The following EPHA5 variants were observed in gnomAD, a reference collection of about 807,000 sequenced individuals.
EPHA5 encodes ephrin type-A receptor 5.
In EPHA5, 60 loss-of-function variants were observed where a neutral mutation model predicts 105.0. The observed-to-expected ratio is 0.57, with a 90% confidence interval of 0.46 to 0.71. The LOEUF is 0.71. Among genes scored for constraint, EPHA5 ranks in the 30% least tolerant of loss-of-function variants. The pLI is 0.00. For missense variants in EPHA5, 1,218 were observed against 1,274.7 expected (o/e 0.96, Z 0.68); for synonymous variants, 513 against 449.1 (o/e 1.14, Z -1.80).
intron 4 of EPHA5, among the ~76,000 whole-genome samples, chr4:65,492,591 T>A (rs1338463277): frequency 6.7e-6 from 1 of 149,738 alleles, no homozygotes; most frequent in African/African-American, 2.5e-5. Flanking sequence ...TTGAATCCTA[T>A]GAATTTTGTC....
intron 7 of EPHA5, among the ~76,000 whole-genome samples, chr4:65,411,351 T>G (rs1344521047): frequency 6.6e-6 from 1 of 152,076 alleles, no homozygotes; most frequent in Non-Finnish European, 1.5e-5. Context: ...TTTAACTTTT[T>G]GTTGACAAAT....
chr4:65,323,952 C>CT lies in EPHA5; in HGVS notation c.*161dup. The CT allele has an allele frequency of 5.5e-6, 3 of 541,148 alleles. No individual in the cohort carries two copies. Among genetic ancestry groups the CT allele is most frequent in the Non-Finnish European group, 9.9e-6 (3 of 303,192 alleles). 33.5% of individuals were successfully genotyped at this position (541,148 alleles called of 1,614,324 possible). On this transcript the variant is annotated 3_prime_UTR_variant, in exon 17 of 17. Transcript: ENST00000613740. ...AAGACTAAGGACTAAGAACTGGATA[C>CT]TTCAGTAAAACCATGATTACAAATT... is the stretch of plus-strand genomic sequence containing the variant.
intron 5 of EPHA5, among the ~76,000 whole-genome samples, chr4:65,479,917 G>C (rs1389279716): frequency 6.6e-6 from 1 of 152,082 alleles, no homozygotes. Flanking sequence ...CTTTAGTGTA[G>C]ATAAATGGCA....
intron 1 of EPHA5, among the ~76,000 whole-genome samples, chr4:65,662,545 A>C (rs1295849046): frequency 6.6e-6 from 1 of 152,176 alleles, no homozygotes; most frequent in African/African-American, 2.4e-5. Context: ...ATAACTCAAC[A>C]AAACAGATCT....
At chr4:65,464,342 A>C (rs1578174190) in intron 5 of EPHA5, among the ~76,000 whole-genome samples, 4 of 152,186 alleles carry the variant, frequency 2.6e-5, no homozygotes. Flanking sequence ...AAATTTAAAT[A>C]AAACAACAAA....
At chr4:65,580,174 A>T (rs531459759) in intron 3 of EPHA5, among the ~76,000 whole-genome samples, 1 of 152,068 alleles carries the variant, frequency 6.6e-6, no homozygotes, top group Admixed American at 6.6e-5. Context: ...TTTACTTAAA[A>T]CTTTAAAAAT....
chr4:65,536,158 C>T (rs1315767622), intron 3 of EPHA5, among the ~76,000 whole-genome samples: 1 of 151,834 alleles, frequency 6.6e-6, no homozygotes, highest in East Asian at 1.9e-4. Context: ...ACATAATATA[C>T]TTCCTATTAC....
chr4:65,350,226 C>T (rs1189045617), intron 13 of EPHA5, among the ~76,000 whole-genome samples: 1 of 151,992 alleles, frequency 6.6e-6, no homozygotes, highest in Non-Finnish European at 1.5e-5. Context: ...AATAATGACA[C>T]TGATAGGTCT....
chr4:65,468,539 A>ATATATATATAATATATATATTATATAT (rs1480986321), intron 5 of EPHA5, among the ~76,000 whole-genome samples: 1 of 118,344 alleles, frequency 8.4e-6, no homozygotes, highest in Admixed American at 1.1e-4. Context: ...ACACCTTTAT[A>ATATATATATAATATATATATTATATAT]TATATATATA....
chr4:65,584,969 C>G (rs1212313972), intron 3 of EPHA5, among the ~76,000 whole-genome samples: 1 of 151,792 alleles, frequency 6.6e-6, no homozygotes, highest in African/African-American at 2.4e-5. Flanking sequence ...CTCTCCATGA[C>G]CAGAATGACA....
intron 3 of EPHA5, among the ~76,000 whole-genome samples, chr4:65,595,854 A>G (rs1049239263): frequency 1.3e-5 from 2 of 152,178 alleles, no homozygotes; most frequent in Admixed American, 1.3e-4. Flanking sequence ...TGCTGGGATT[A>G]CAGGCATGAG....
At chr4:65,393,835 G>T (rs1374323362) in intron 8 of EPHA5, among the ~76,000 whole-genome samples, 1 of 152,108 alleles carries the variant, frequency 6.6e-6, no homozygotes, top group Non-Finnish European at 1.5e-5. Flanking sequence ...GATAATTCTG[G>T]AAAGGTAGTT....
chr4:65,629,175 C>T (rs1746408768), intron 2 of EPHA5, among the ~76,000 whole-genome samples: 2 of 138,102 alleles, frequency 1.4e-5, no homozygotes, highest in African/African-American at 5.1e-5. Context: ...TTGTCTTCCT[C>T]TTTTGTTTCT....
chr4:65,448,529 T>G (rs1466543609), intron 5 of EPHA5, among the ~76,000 whole-genome samples: 1 of 152,056 alleles, frequency 6.6e-6, no homozygotes. Context: ...AGGCCTGTAG[T>G]CCCAGCTACT....
chr4:65,627,661 A>G (rs1746274217), intron 2 of EPHA5, among the ~76,000 whole-genome samples: 1 of 152,176 alleles, frequency 6.6e-6, no homozygotes, highest in Non-Finnish European at 1.5e-5. Context: ...TTCTATGTCT[A>G]ACCATATTAT....
At chr4:65,489,505 G>A (rs1309283701) in intron 5 of EPHA5, among the ~76,000 whole-genome samples, 1 of 152,218 alleles carries the variant, frequency 6.6e-6, no homozygotes, top group Non-Finnish European at 1.5e-5. Context: ...TCAGTTGATA[G>A]AGGAAAGTTA....
intron 3 of EPHA5, among the ~76,000 whole-genome samples, chr4:65,565,313 T>C (rs1441093879): frequency 6.6e-6 from 1 of 151,702 alleles, no homozygotes. Flanking sequence ...TTAACAGTGG[T>C]GCCCAATATA....
At chr4:65,424,735 G>T (rs1724261023) in intron 5 of EPHA5, among the ~76,000 whole-genome samples, 1 of 152,004 alleles carries the variant, frequency 6.6e-6, no homozygotes, top group South Asian at 2.1e-4. Flanking sequence ...CAGATGAGAT[G>T]CTTTGTTTTC....
At chr4:65,342,524 T>G (rs1560430276) in intron 14 of EPHA5, among the ~76,000 whole-genome samples, 1 of 151,792 alleles carries the variant, frequency 6.6e-6, no homozygotes, top group Non-Finnish European at 1.5e-5. Flanking sequence ...GCAATATACA[T>G]AAACATATAA....
Sources: allele counts gnomAD v4.1 joint callset (sites outside exome capture counted in the v4.1 genomes callset), GRCh38; gene constraint gnomAD v4.1.1; transcripts MANE v1.5; gene names NCBI Gene and HGNC (gene_info 2026-07-23, HGNC 2026-07-21).